UNC13C: variants seen among roughly 807,000 people sequenced by gnomAD.
The protein encoded by UNC13C is unc-13 homolog C, also known as protein unc-13 homolog C.
A neutral mutation model predicts 245.4 loss-of-function variants in UNC13C; 174 were observed. The observed-to-expected ratio is 0.71, with a 90% CI of 0.63 to 0.80. The LOEUF is 0.80. UNC13C is among the 30% of genes least tolerant of loss of function. The pLI, the probability that UNC13C is intolerant of heterozygous loss-of-function variation, is 0.00. For missense variants in UNC13C, 2,829 were observed against 2,602.9 expected, an observed-to-expected ratio of 1.09 and a Z score of -1.89; for synonymous variants, 992 against 895.1, an observed-to-expected ratio of 1.11 and a Z score of -1.93.
rs143466558 is a variant in UNC13C at position 54,351,252 on chromosome 15, T to C, written c.4713+12763T>C. On this transcript the variant is annotated intron_variant, in intron 17 of 32. Transcript: ENST00000260323. Reference sequence around the variant, plus strand: ...AGAAAATACAGGATATCCAGTGAAGTGCGCAGGAATCTGTATTTTTTAACA... The same window carrying C: ...AGAAAATACAGGATATCCAGTGAAGCGCGCAGGAATCTGTATTTTTTAACA... Among the ~76,000 whole-genome samples the C allele has an allele frequency of 1.9e-3, 295 of 152,302 alleles. 1 individual carries two copies. The highest frequency in any genetic ancestry group is 0.013 in the Admixed American group (204 of 15,306).
At chr15:54,204,002 G>A (rs1268749739) in intron 4 of UNC13C, among the ~76,000 whole-genome samples, 7 of 151,460 alleles carry the variant, frequency 4.6e-5, no homozygotes, top group Non-Finnish European at 1.0e-4. Flanking sequence ...GCAACAACCT[G>A]GTTGGAATTG....
the UNC13C span, among the ~76,000 whole-genome samples, chr15:53,888,042 G>C: frequency 9.6e-4 from 146 of 152,308 alleles, 1 homozygote; most frequent in African/African-American, 3.4e-3. Flanking sequence ...ATAGTAGAAT[G>C]ATTTATAATC....
intron 2 of UNC13C, among the ~76,000 whole-genome samples, chr15:54,132,078 T>TTTTCTTTTA (rs1167807949): frequency 9.9e-4 from 146 of 147,320 alleles, no homozygotes; most frequent in African/African-American, 3.0e-3. Context: ...CTTTTTCTTT[T>TTTTCTTTTA]TTTTTTTTGA....
At chr15:54,164,081 A>C (rs1385953633) in intron 4 of UNC13C, among the ~76,000 whole-genome samples, 1 of 152,182 alleles carries the variant, frequency 6.6e-6, no homozygotes, top group African/African-American at 2.4e-5. Flanking sequence ...TTGCTTGACT[A>C]TAGTAACCAT....
At chr15:54,416,567 C>T (rs776631654) in intron 19 of UNC13C, among the ~76,000 whole-genome samples, 1 of 152,108 alleles carries the variant, frequency 6.6e-6, no homozygotes. Flanking sequence ...TAACCACATC[C>T]TTTTACATCT....
intron 5 of UNC13C, 100 bp downstream of exon 5, chr15:54,235,208 C>A: frequency 1.0e-6 from 1 of 976,408 alleles, no homozygotes; most frequent in Non-Finnish European, 1.6e-6. Context: ...TGTAAATATT[C>A]CATGGAATAA....
intron 4 of UNC13C, among the ~76,000 whole-genome samples, chr15:54,220,694 T>C (rs900544605): frequency 6.6e-6 from 1 of 152,038 alleles, no homozygotes; most frequent in Non-Finnish European, 1.5e-5. Context: ...TTTCATTGCC[T>C]GCACACTTGT....
At chr15:54,521,799 G>A (rs8037870) in intron 24 of UNC13C, among the ~76,000 whole-genome samples, 6,598 of 152,280 alleles carry the variant, frequency 0.043, 505 homozygotes, top group African/African-American at 0.15. Flanking sequence ...GTTAATGCAA[G>A]GTATCAGTCC....
At chr15:54,025,773 C>A (rs1032850062) in intron 2 of UNC13C, among the ~76,000 whole-genome samples, 1 of 152,178 alleles carries the variant, frequency 6.6e-6, no homozygotes, top group African/African-American at 2.4e-5. Flanking sequence ...ACGATCAGAT[C>A]TTTCTCCCAT....
intron 4 of UNC13C, among the ~76,000 whole-genome samples, chr15:54,185,264 C>G (rs1157180085): frequency 1.3e-5 from 2 of 151,954 alleles, no homozygotes; most frequent in East Asian, 3.9e-4. Flanking sequence ...TGCAGAAGCT[C>G]TTTAGTTTAA....
At chr15:54,079,284 T>C (rs1351287799) in intron 2 of UNC13C, among the ~76,000 whole-genome samples, 1 of 152,134 alleles carries the variant, frequency 6.6e-6, no homozygotes, top group Non-Finnish European at 1.5e-5. Flanking sequence ...AGGATTACTT[T>C]GGCTATTCTG....
chr15:54,190,281 TA>T (rs1040167712), intron 4 of UNC13C, among the ~76,000 whole-genome samples: 2 of 152,118 alleles, frequency 1.3e-5, no homozygotes, highest in Admixed American at 6.6e-5. Context: ...TTTTTTTGCT[TA>T]AAAAAGTTTA....
At chr15:54,327,704 A>ATGGGATGCACTG (rs1236694725) in intron 14 of UNC13C, among the ~76,000 whole-genome samples, 3 of 152,036 alleles carry the variant, frequency 2.0e-5, no homozygotes, top group Non-Finnish European at 4.4e-5. Flanking sequence ...AGGTTGATCA[A>ATGGGATGCACTG]TGGGATGTAA....
At chr15:53,930,480 AT>A in the UNC13C span, among the ~76,000 whole-genome samples, 1 of 152,100 alleles carries the variant, frequency 6.6e-6, no homozygotes, top group Admixed American at 6.5e-5. Flanking sequence ...TTAAGAGTAG[AT>A]TTTCTGGGAA....
chr15:53,884,271 T>C, the UNC13C span, among the ~76,000 whole-genome samples: 1 of 152,158 alleles, frequency 6.6e-6, no homozygotes, highest in Non-Finnish European at 1.5e-5. Context: ...GATCCAGACT[T>C]AGTTTCCATC....
intron 17 of UNC13C, among the ~76,000 whole-genome samples, chr15:54,362,029 G>T (rs146456820): frequency 3.3e-5 from 5 of 152,116 alleles, no homozygotes; most frequent in African/African-American, 9.7e-5. Context: ...TATGGCCAGG[G>T]ATTTGGGCCT....
intron 4 of UNC13C, 144 bp downstream of exon 4, chr15:54,143,828 G>A (rs1289378005): frequency 1.4e-5 from 8 of 557,992 alleles, no homozygotes; most frequent in Middle Eastern, 2.8e-4. Flanking sequence ...TGACATTATA[G>A]TGTTTTCTTA....
chr15:54,295,695 T>C (rs1265729729), intron 11 of UNC13C, among the ~76,000 whole-genome samples: 1 of 139,312 alleles, frequency 7.2e-6, no homozygotes, highest in Non-Finnish European at 1.5e-5. Flanking sequence ...AGAAAAACCA[T>C]GTACCAGACT....
At chr15:54,544,030 G>A (rs774189974) in intron 26 of UNC13C, among the ~76,000 whole-genome samples, 5 of 152,018 alleles carry the variant, frequency 3.3e-5, no homozygotes, top group Non-Finnish European at 5.9e-5. Flanking sequence ...GATGAACATC[G>A]ATGCAAAAAT....
Sources: gnomAD v4.1 joint callset for allele counts (sites outside exome capture counted in the v4.1 genomes callset) on GRCh38, gnomAD v4.1.1 for gene constraint, MANE v1.5 for transcripts, NCBI Gene and HGNC (gene_info 2026-07-23, HGNC 2026-07-21) for gene names.